MEGF6: variants seen among roughly 807,000 people sequenced by gnomAD.
MEGF6 encodes multiple epidermal growth factor-like domains protein 6.
In MEGF6, 184 loss-of-function variants were observed where a neutral mutation model predicts 207.1. The ratio of observed to expected loss-of-function variants is 0.89; its 90% CI spans 0.79 to 1.00. The LOEUF is 1.00. Ranked by LOEUF, MEGF6 falls within the 50% of genes least tolerant of loss-of-function variation. The pLI, the probability that MEGF6 is intolerant of heterozygous loss-of-function variation, is 0.00. For missense variants in MEGF6, 2,282 were observed against 2,202.9 expected, an observed-to-expected ratio of 1.04 and a Z score of -0.72; for synonymous variants, 1,038 against 910.0, an observed-to-expected ratio of 1.14 and a Z score of -2.53.
At chr1:3,515,228 T>C (rs1164667071) in intron 6 of MEGF6, among the ~76,000 whole-genome samples, 174 bp downstream of exon 6, 1 of 152,196 alleles carries the variant, frequency 6.6e-6, no homozygotes. Flanking sequence ...TGGGCACCTA[T>C]GGAAGTGAGG....
intron 25 of MEGF6, 22 bp from the exon 26 acceptor site, chr1:3,498,521 C>A: frequency 6.4e-7 from 1 of 1,551,242 alleles, no homozygotes. Context: ...GAGGCAGGCA[C>A]GAGGGTGAGG....
At chr1:3,493,525 T>C in intron 34 of MEGF6, 1 of 569,716 alleles carries the variant, frequency 1.8e-6, no homozygotes. Flanking sequence ...GACCATGGCC[T>C]TCCTGGGACG....
In MEGF6 at chr1:3,501,873, C is replaced by T. The variant is rs758022507; in HGVS notation, c.2237G>A (p.Cys746Tyr). The T allele has an allele frequency of 1.2e-6, 2 of 1,608,758 alleles. No individual in the cohort carries two copies. Among genetic ancestry groups the T allele is most frequent in the Admixed American group, 1.7e-5 (1 of 58,762 alleles). Residue 746 changes from cysteine (C) to tyrosine (Y), a missense_variant, in exon 18 of 37, where the codon TGT (cysteine) becomes TAT (tyrosine). Transcript: ENST00000356575. ...FGVNCSSSCS[C>Y]GGAPCHGVTG... ...GACCCCGTGGCAGGGGGCCCCCCCA[C>T]AGGAGCAGGAGCTCGAGCAGTTCAC...
intron 5 of MEGF6, among the ~76,000 whole-genome samples, chr1:3,518,689 T>C (rs550447048): frequency 3.1e-4 from 47 of 152,386 alleles, no homozygotes; most frequent in African/African-American, 1.1e-3. Flanking sequence ...TTTCTGGTTC[T>C]GGTCCCTGCT....
chr1:3,526,219 C>T (rs1157953911), intron 4 of MEGF6, among the ~76,000 whole-genome samples: 2 of 152,178 alleles, frequency 1.3e-5, no homozygotes, highest in South Asian at 2.1e-4. Context: ...AGTAGTGCCC[C>T]GGCCAGAGAG....
chr1:3,578,302 A>G (rs1643698469), intron 4 of MEGF6, among the ~76,000 whole-genome samples: 1 of 152,202 alleles, frequency 6.6e-6, no homozygotes, highest in African/African-American at 2.4e-5. Context: ...TTGCCAAAAG[A>G]TTAGACAAAT....
At chr1:3,577,136 T>C (rs2821055) in intron 4 of MEGF6, among the ~76,000 whole-genome samples, 115,518 of 152,088 alleles carry the variant, frequency 0.76, 44,921 homozygotes, top group Non-Finnish European at 0.84. Context: ...CCAGCCTCCA[T>C]ACCCTCCCCT....
chr1:3,529,647 G>C (rs1333920949), intron 4 of MEGF6, among the ~76,000 whole-genome samples: 2 of 152,342 alleles, frequency 1.3e-5, no homozygotes, highest in Admixed American at 6.5e-5. Context: ...TTCACCAGGA[G>C]CCTGGCGAGA....
chr1:3,569,035 G>A (rs965387585), intron 4 of MEGF6, among the ~76,000 whole-genome samples: 11 of 152,304 alleles, frequency 7.2e-5, no homozygotes, highest in Admixed American at 3.3e-4. Flanking sequence ...GCAGCTGCCC[G>A]GTACGGGTCT....
the MEGF6 span, among the ~76,000 whole-genome samples, chr1:3,621,038 C>G: frequency 6.6e-6 from 1 of 152,228 alleles, no homozygotes; most frequent in Non-Finnish European, 1.5e-5. Flanking sequence ...ATCTAAAAGG[C>G]AGAGCCAGGT....
rs547142107 is a variant in MEGF6, at chr1:3,551,784, G to A, written c.482-27538C>T. 1.9e-3 allele frequency among the ~76,000 whole-genome samples: 289 copies of A among 152,216 alleles called. 1 individual carries two copies. The highest frequency in any genetic ancestry group is 3.3e-3 in the Non-Finnish European group (223 of 67,998). On this transcript the variant is annotated intron_variant, in intron 4 of 36. Coordinates refer to ENST00000356575, the MANE Select transcript of MEGF6 (RefSeq NM_001409.4). ...GGCATCCAGAAACCAGCAGGGCTGCGACTTCCATCAGGAAAACCAGCCACT... is the reference window on the plus strand; with the variant it reads ...GGCATCCAGAAACCAGCAGGGCTGCAACTTCCATCAGGAAAACCAGCCACT...
chr1:3,574,058 G>A (rs569851795), intron 4 of MEGF6, among the ~76,000 whole-genome samples: 2 of 150,356 alleles, frequency 1.3e-5, no homozygotes, highest in Admixed American at 6.6e-5. Flanking sequence ...GCCCACACCC[G>A]AGAGACCCCC....
At chr1:3,511,934 C>A in intron 8 of MEGF6, 72 bp downstream of exon 8, 1 of 1,600,284 alleles carries the variant, frequency 6.2e-7, no homozygotes, top group Non-Finnish European at 8.5e-7. Context: ...TCAGCCAAAG[C>A]AGGCCTCGGG....
At chr1:3,536,307 G>T (rs1471818114) in intron 4 of MEGF6, among the ~76,000 whole-genome samples, 1 of 151,870 alleles carries the variant, frequency 6.6e-6, no homozygotes, top group East Asian at 1.9e-4. Flanking sequence ...ACAACGATGT[G>T]TGTGCCCACC....
intron 4 of MEGF6, among the ~76,000 whole-genome samples, chr1:3,558,690 T>C (rs140438047): frequency 1.3e-4 from 20 of 152,368 alleles, no homozygotes; most frequent in Non-Finnish European, 2.1e-4. Context: ...TTCCTTTCTC[T>C]GTTCGGTGTG....
chr1:3,497,245 C>G lies in MEGF6; in HGVS notation c.3469G>C (p.Gly1157Arg). ...TGGGAGCACCTACCCTGCTCGCAGC[C>G]GGAGCCAGTGAAGCCAGGGGGACAG... ...CRCPPGFTGSGCEQACPPGSF... is the reference protein window; with the variant it reads ...CRCPPGFTGSRCEQACPPGSF... Residue 1157 changes from glycine to arginine, a missense_variant, in exon 27 of 37, where the codon GGC becomes CGC. Gly to Arg is a moderately radical substitution (Grantham distance 125). Coordinates refer to ENST00000356575, the MANE Select transcript of MEGF6 (RefSeq NM_001409.4). 6.5e-7 allele frequency: 1 copy of G among 1,531,188 alleles called. No individual in the cohort carries two copies. The highest frequency in any genetic ancestry group is 8.8e-7 in the Non-Finnish European group (1 of 1,141,694). The allele number at this position is 1,531,188 out of a possible 1,614,324, so 94.9% of individuals were successfully genotyped here.
At chr1:3,619,592 A>C in the MEGF6 span, among the ~76,000 whole-genome samples, 1 of 145,152 alleles carries the variant, frequency 6.9e-6, no homozygotes, top group Non-Finnish European at 1.5e-5. Flanking sequence ...TGATGGTTTA[A>C]ATGTGTGGCA....
chr1:3,595,164 G>A (rs1450904452), intron 3 of MEGF6, among the ~76,000 whole-genome samples, 174 bp downstream of exon 3: 2 of 152,216 alleles, frequency 1.3e-5, no homozygotes, highest in Non-Finnish European at 2.9e-5. Context: ...TGCCAGCCTC[G>A]CTGACGTCGC....
At chr1:3,517,494 C>T (rs898883803) in intron 5 of MEGF6, among the ~76,000 whole-genome samples, 4 of 152,248 alleles carry the variant, frequency 2.6e-5, no homozygotes, top group African/African-American at 4.8e-5. Flanking sequence ...CCAGTGTCGT[C>T]GCATATATCC....
Sources: allele counts gnomAD v4.1 joint callset (sites outside exome capture counted in the v4.1 genomes callset), GRCh38; gene constraint gnomAD v4.1.1; transcripts MANE v1.5; gene names NCBI Gene and HGNC (gene_info 2026-07-23, HGNC 2026-07-21).